Variants in HNRNPC observed in about 807,000 individuals in gnomAD.
HNRNPC encodes the protein heterogeneous nuclear ribonucleoproteins C1/C2.
Under a neutral mutation model 33.2 loss-of-function variants are expected in HNRNPC, and 3 were observed. The ratio of observed to expected loss-of-function variants is 0.09; its 90% CI spans 0.04 to 0.23. HNRNPC has a LOEUF of 0.23. Ranked by LOEUF, HNRNPC falls within the 10% of genes least tolerant of loss-of-function variation. The pLI, the probability that HNRNPC is intolerant of heterozygous loss-of-function variation, is 1.00. For missense variants in HNRNPC, 143 were observed against 366.7 expected (o/e 0.39, Z 4.98); for synonymous variants, 121 against 126.7 (o/e 0.96, Z 0.30).
At chr14:21,235,094 G>A (rs1045073081) in intron 2 of HNRNPC, among the ~76,000 whole-genome samples, 13 of 152,110 alleles carry the variant, frequency 8.5e-5, no homozygotes, top group Admixed American at 5.9e-4. Flanking sequence ...TTATGTATGT[G>A]ATGGAGGCTC....
chr14:21,245,214 G>A (rs1895835672), intron 2 of HNRNPC, among the ~76,000 whole-genome samples: 3 of 152,080 alleles, frequency 2.0e-5, no homozygotes, highest in African/African-American at 7.2e-5. Flanking sequence ...TTCAAAAATG[G>A]GCTGGGAGCA....
At chr14:21,223,361 T>C (rs1366586708) in intron 5 of HNRNPC, among the ~76,000 whole-genome samples, 1 of 151,962 alleles carries the variant, frequency 6.6e-6, no homozygotes, top group Non-Finnish European at 1.5e-5. Context: ...CCCAAATGCC[T>C]CTCCTACAAA....
chr14:21,259,693 C>A (rs1877837903), intron 2 of HNRNPC, among the ~76,000 whole-genome samples: 1 of 152,112 alleles, frequency 6.6e-6, no homozygotes, highest in African/African-American at 2.4e-5. Flanking sequence ...AATCTCATAG[C>A]ATTACCTTTG....
intron 2 of HNRNPC, 92 bp from the exon 3 acceptor site, chr14:21,234,321 A>T (rs1401217919): frequency 8.4e-7 from 1 of 1,184,034 alleles, no homozygotes; most frequent in African/African-American, 1.5e-5. Flanking sequence ...AATCACTGTT[A>T]ACTGCCCAGA....
chr14:21,217,747 A>C (rs1892345709), intron 5 of HNRNPC, among the ~76,000 whole-genome samples: 1 of 152,228 alleles, frequency 6.6e-6, no homozygotes, highest in Non-Finnish European at 1.5e-5. Flanking sequence ...ATTTGATTGA[A>C]AATGGCTCCA....
chr14:21,253,069 G>C (rs1022374378), intron 2 of HNRNPC, among the ~76,000 whole-genome samples: 1 of 151,242 alleles, frequency 6.6e-6, no homozygotes, highest in South Asian at 2.1e-4. Flanking sequence ...AGCTACTCAG[G>C]AGACTGAGGC....
At chr14:21,238,230 A>C (rs192124781) in intron 2 of HNRNPC, among the ~76,000 whole-genome samples, 67 of 152,354 alleles carry the variant, frequency 4.4e-4, no homozygotes, top group Non-Finnish European at 8.7e-4. Flanking sequence ...AACAACTAAC[A>C]ACCCAATAGT....
At chr14:21,232,768 G>A (rs1011710453) in intron 3 of HNRNPC, among the ~76,000 whole-genome samples, 1 of 152,212 alleles carries the variant, frequency 6.6e-6, no homozygotes, top group South Asian at 2.1e-4. Context: ...AGGTCCAATG[G>A]CTGACGCCTG....
At chr14:21,265,860 A>C (rs1250534380) in intron 1 of HNRNPC, among the ~76,000 whole-genome samples, 2 of 152,200 alleles carry the variant, frequency 1.3e-5, no homozygotes, top group Non-Finnish European at 2.9e-5. Flanking sequence ...AACCTGCCTG[A>C]GGTTTGGATC....
intron 2 of HNRNPC, among the ~76,000 whole-genome samples, chr14:21,247,357 G>C (rs1221701507): frequency 6.6e-6 from 1 of 152,108 alleles, no homozygotes; most frequent in East Asian, 1.9e-4. Flanking sequence ...TTCACTGATA[G>C]GACATAACCT....
Position 21,261,934 on chromosome 14 carries a change from C to A in HNRNPC, c.-37+1377G>T, listed in dbSNP as rs981592884. On this transcript the variant is annotated intron_variant, in intron 2 of 8. Coordinates refer to ENST00000553300, the MANE Select transcript of HNRNPC (RefSeq NM_004500.4). ...CACAGAATACACTCCTTCTTAACATCAGAACACATTAGAGTTCCTAATCTA... is the reference window on the plus strand; with the variant it reads ...CACAGAATACACTCCTTCTTAACATAAGAACACATTAGAGTTCCTAATCTA... Among the ~76,000 whole-genome samples, 23 of 152,250 alleles carry A rather than the reference C, an allele frequency of 1.5e-4. No homozygotes were observed. In the Middle Eastern group the frequency reaches 0.01, roughly 68 times the overall value.
chr14:21,257,879 T>G (rs1196683426), intron 2 of HNRNPC, among the ~76,000 whole-genome samples: 1 of 152,144 alleles, frequency 6.6e-6, no homozygotes, highest in Non-Finnish European at 1.5e-5. Context: ...ACTTTTAAAA[T>G]GTGCTTGCTT....
chr14:21,215,028 TA>T (rs546484676), intron 5 of HNRNPC, among the ~76,000 whole-genome samples: 60 of 152,246 alleles, frequency 3.9e-4, no homozygotes, highest in Non-Finnish European at 7.6e-4. Context: ...AATTTCTTTT[TA>T]AAACCTACTA....
rs1891446241 is a variant in HNRNPC, at chr14:21,209,994, C to T, written c.*1229G>A. 6.6e-6 allele frequency: 1 copy of T among 152,160 alleles called. No homozygotes were observed. Among genetic ancestry groups the T allele is most frequent in the African/African-American group, 2.4e-5 (1 of 41,420 alleles). 9.4% of individuals were successfully genotyped at this position (152,160 alleles called of 1,614,324 possible). On this transcript the variant is annotated 3_prime_UTR_variant, in exon 9 of 9. Coordinates refer to ENST00000553300, the MANE Select transcript of HNRNPC (RefSeq NM_004500.4). ...CATTTAGAGTAAAATAAATGTGTAA[C>T]ATTCTCTATGTTCTCAATCACCTGG... is the stretch of plus-strand genomic sequence containing the variant.
intron 2 of HNRNPC, among the ~76,000 whole-genome samples, chr14:21,253,888 T>A (rs767384288): frequency 9.2e-5 from 14 of 151,396 alleles, no homozygotes; most frequent in East Asian, 5.8e-4. Context: ...ACACGGTGAA[T>A]CCCCGTCTCT....
intron 2 of HNRNPC, among the ~76,000 whole-genome samples, chr14:21,239,947 T>C (rs1895164707): frequency 2.0e-5 from 3 of 152,118 alleles, no homozygotes; most frequent in Admixed American, 2.0e-4. Flanking sequence ...CATGGACAAA[T>C]GCGTTTGTAT....
chr14:21,235,314 T>C (rs975384760), intron 2 of HNRNPC, among the ~76,000 whole-genome samples: 5 of 152,146 alleles, frequency 3.3e-5, no homozygotes, highest in Non-Finnish European at 7.3e-5. Flanking sequence ...CAGTATTTGT[T>C]ATCCTTCCAA....
intron 2 of HNRNPC, among the ~76,000 whole-genome samples, chr14:21,249,515 A>C (rs1188373612): frequency 6.6e-6 from 1 of 150,686 alleles, no homozygotes; most frequent in Non-Finnish European, 1.5e-5. Flanking sequence ...TGAACCGGGA[A>C]GCAGAGATAG....
At chr14:21,228,418 G>A (rs1471371087) in intron 5 of HNRNPC, among the ~76,000 whole-genome samples, 6 of 152,128 alleles carry the variant, frequency 3.9e-5, no homozygotes, top group Non-Finnish European at 8.8e-5. Context: ...TTGAGAAGGA[G>A]TCTCACTCTG....
Sources: gnomAD v4.1 joint callset for allele counts (sites outside exome capture counted in the v4.1 genomes callset) on GRCh38, gnomAD v4.1.1 for gene constraint, MANE v1.5 for transcripts, NCBI Gene and HGNC (gene_info 2026-07-23, HGNC 2026-07-21) for gene names.